PCDHGB2: variants seen among roughly 807,000 people sequenced by gnomAD.
PCDHGB2 encodes protocadherin gamma-B2.
A neutral mutation model predicts 59.3 loss-of-function variants in PCDHGB2; 55 were observed. That is an observed-to-expected ratio of 0.93 (90% confidence interval 0.75 to 1.16). The LOEUF (loss-of-function observed/expected upper bound fraction) is 1.16, where lower values mean the gene tolerates loss of function less well. Among genes scored for constraint, PCDHGB2 ranks in the 50% most tolerant of loss-of-function variants. The pLI is 0.00. For missense variants in PCDHGB2, 1,228 were observed against 1,198.5 expected (o/e 1.02, Z -0.36); for synonymous variants, 516 against 512.0 (o/e 1.01, Z -0.11).
Position 141,487,356 on chromosome 5 carries a change from C to A in PCDHGB2, c.2422-7451C>A. On this transcript the variant is annotated intron_variant, in intron 1 of 3. Coordinates refer to ENST00000522605, the MANE Select transcript of PCDHGB2 (RefSeq NM_018923.3). The surrounding 1 kb of genome is among the most constrained non-coding windows in gnomAD (Gnocchi z 5.0). ...GCCTGTGGAGTCACATGCTTTCCTG[C>A]TGGCACCTGTGCCTGTCTCACCAGA... 1 of 1,614,220 alleles carries A rather than the reference C, an allele frequency of 6.2e-7. No individual in the cohort carries two copies. The highest frequency in any genetic ancestry group is 8.5e-7 in the Non-Finnish European group (1 of 1,180,042).
intron 1 of PCDHGB2, chr5:141,370,309 A>G: frequency 8.1e-7 from 1 of 1,240,254 alleles, no homozygotes; most frequent in South Asian, 1.6e-5. Flanking sequence ...GACAAAGCAA[A>G]TAGTTGGTCC....
intron 1 of PCDHGB2, 157 bp from the exon 2 acceptor site, chr5:141,494,645 GTGTAT>G: frequency 1.1e-6 from 1 of 935,948 alleles, no homozygotes; most frequent in Non-Finnish European, 1.3e-6. Context: ...GAGACCTGAG[GTGTAT>G]TTTGTCTTTG....
In PCDHGB2 at chr5:141,493,364, TTGGAAC is replaced by T. The variant is rs1405602213; in HGVS notation, c.2422-1441_2422-1436del. Among the ~76,000 whole-genome samples, 1 of 152,184 alleles carries T rather than the reference TTGGAAC, an allele frequency of 6.6e-6. No homozygotes were observed. Among genetic ancestry groups the T allele is most frequent in the South Asian group, 2.1e-4 (1 of 4,824 alleles). On this transcript the variant is annotated intron_variant, in intron 1 of 3. Coordinates refer to ENST00000522605, the MANE Select transcript of PCDHGB2 (RefSeq NM_018923.3). The surrounding 1 kb of genome is among the most constrained non-coding windows in gnomAD (Gnocchi z 4.3). Reference sequence around the variant, plus strand: ...ATGTGTGCTTTTAATTTCTTGGCACTTGGAACTTTAAAAGCTTGAGGACAGGAGAGG... The same window carrying T: ...ATGTGTGCTTTTAATTTCTTGGCACTTTTAAAAGCTTGAGGACAGGAGAGG...
At chr5:141,390,327 T>G (rs377735930) in intron 1 of PCDHGB2, 172 of 1,603,116 alleles carry the variant, frequency 1.1e-4, no homozygotes, top group Non-Finnish European at 2.0e-5. Flanking sequence ...CCTACCCATT[T>G]CTCCATATTC....
intron 1 of PCDHGB2, among the ~76,000 whole-genome samples, chr5:141,482,127 T>C (rs2099553382): frequency 6.6e-6 from 1 of 151,774 alleles, no homozygotes; most frequent in African/African-American, 2.4e-5. Flanking sequence ...GGGAGAATCA[T>C]ATGGCTGGCA....
At chr5:141,427,365 TG>T (rs1391779401) in intron 1 of PCDHGB2, 2 of 457,804 alleles carry the variant, frequency 4.4e-6, no homozygotes, top group Non-Finnish European at 8.8e-6. Flanking sequence ...CGCAGAACCC[TG>T]GACGGTGATC....
At chr5:141,415,740 G>GTTTTTGTTTTTTTTTT (rs2095911468) in intron 1 of PCDHGB2, 1 of 515,998 alleles carries the variant, frequency 1.9e-6, no homozygotes, top group Non-Finnish European at 2.6e-6. Context: ...GTTTATTAAG[G>GTTTTTGTTTTTTTTTT]TTTTTTTTTT....
chr5:141,423,699 T>C, intron 1 of PCDHGB2: 1 of 1,469,146 alleles, frequency 6.8e-7, no homozygotes, highest in East Asian at 2.5e-5. Context: ...GTTGGTGTCT[T>C]GGCACAAGTC....
In PCDHGB2 at chr5:141,372,299, G is replaced by T. The variant is rs35459734; in HGVS notation, c.2421+9743G>T. The stretch of plus-strand genomic sequence containing the variant: ...GCACGGCGCGTACCTTGGGCGACAG[G>T]GAGGCCGCCCGCCAGCGCCTGCTGG... On this transcript the variant is annotated intron_variant, in intron 1 of 3. Coordinates refer to ENST00000522605, the MANE Select transcript of PCDHGB2 (RefSeq NM_018923.3). The T allele has an allele frequency of 1.9e-3, 2,997 of 1,613,318 alleles. 22 individuals are homozygous for T. Among genetic ancestry groups the T allele is most frequent in the African/African-American group, 0.017 (1,313 of 75,058 alleles).
chr5:141,417,754 C>A, intron 1 of PCDHGB2: 2 of 1,431,302 alleles, frequency 1.4e-6, no homozygotes, highest in Non-Finnish European at 1.8e-6. Flanking sequence ...TTGCCAGCTC[C>A]GAGACCCGGG....
At chr5:141,482,841 G>A (rs1401298303) in intron 1 of PCDHGB2, among the ~76,000 whole-genome samples, 1 of 139,444 alleles carries the variant, frequency 7.2e-6, no homozygotes, top group Non-Finnish European at 1.5e-5. Flanking sequence ...GGAGGCCAAG[G>A]TGGGCAGATC....
At position 141,511,319 on chromosome 5, in the gene PCDHGB2, C is replaced by T. The variant is rs2099883711; in HGVS notation, c.*146C>T. On this transcript the variant is annotated 3_prime_UTR_variant, in exon 4 of 4. Coordinates refer to ENST00000522605, the MANE Select transcript of PCDHGB2 (RefSeq NM_018923.3). ...CCATGCTCCCCTTGGGAAACAGAAA[C>T]AAGTGCCCAGTCAGCACCTACCCCT... 1.4e-6 allele frequency: 2 copies of T among 1,477,302 alleles called. No homozygotes were observed. The highest frequency in any genetic ancestry group is 1.4e-5 in the African/African-American group (1 of 70,920). 91.5% of individuals were successfully genotyped at this position (1,477,302 alleles called of 1,614,324 possible).
intron 1 of PCDHGB2, among the ~76,000 whole-genome samples, chr5:141,444,933 G>A (rs1004890599): frequency 3.3e-5 from 5 of 152,152 alleles, no homozygotes; most frequent in African/African-American, 1.2e-4. Context: ...AAAGAGGGAA[G>A]GAGGGAGGAG....
chr5:141,387,885 A>G, intron 1 of PCDHGB2: 2 of 1,578,800 alleles, frequency 1.3e-6, no homozygotes, highest in Non-Finnish European at 1.7e-6. Context: ...AGCAAGAGGG[A>G]TGGGGAGCGG....
At chr5:141,453,786 A>G (rs2098774297) in intron 1 of PCDHGB2, among the ~76,000 whole-genome samples, 1 of 152,252 alleles carries the variant, frequency 6.6e-6, no homozygotes, top group Non-Finnish European at 1.5e-5. Flanking sequence ...TTACCATGGT[A>G]TATTAACTTT....
chr5:141,435,882 C>G (rs780080571), intron 1 of PCDHGB2, among the ~76,000 whole-genome samples: 1 of 152,060 alleles, frequency 6.6e-6, no homozygotes, highest in African/African-American at 2.4e-5. Context: ...AGATTGGAAA[C>G]CCCTTAGAGA....
Position 141,476,263 on chromosome 5 carries a change from C to T in PCDHGB2, c.2422-18544C>T. 1 of 1,613,940 alleles carries T rather than the reference C, an allele frequency of 6.2e-7. No individual in the cohort carries two copies. The highest frequency in any genetic ancestry group is 8.5e-7 in the Non-Finnish European group (1 of 1,180,010). Reference sequence around the variant, plus strand: ...GAGAGAAGGGTTTCGCTGTGGGCAACGTGGTCGCGAACCTTGGTTTGGATC... The same window carrying T: ...GAGAGAAGGGTTTCGCTGTGGGCAATGTGGTCGCGAACCTTGGTTTGGATC... On this transcript the variant is annotated intron_variant, in intron 1 of 3. Transcript: ENST00000522605. The surrounding 1 kb of genome is among the most constrained non-coding windows in gnomAD (Gnocchi z 7.6).
intron 1 of PCDHGB2, chr5:141,419,553 C>T (rs2096398346): frequency 1.2e-5 from 20 of 1,611,902 alleles, no homozygotes; most frequent in Non-Finnish European, 1.4e-5. Flanking sequence ...GTGCTGTACC[C>T]TGCGCTGGGT....
chr5:141,417,683 A>AAG lies in PCDHGB2; in HGVS notation c.2421+55128_2421+55129insGA, dbSNP rs201105096. 3.0e-3 allele frequency: 3,154 copies of AAG among 1,038,272 alleles called. 110 individuals carry two copies. In the East Asian group the frequency reaches 0.071, roughly 24 times the overall value. The allele number at this position is 1,038,272 out of a possible 1,614,324, so 64.3% of individuals were successfully genotyped here. The stretch of plus-strand genomic sequence containing the variant: ...GATTCCCTGCGCAGCCAACAACAGA[A>AAG]AAGAAAACCAGCTCCCACACAGAGG... On this transcript the variant is annotated intron_variant, in intron 1 of 3. Transcript: ENST00000522605.
Sources: allele counts gnomAD v4.1 joint callset (sites outside exome capture counted in the v4.1 genomes callset), GRCh38; gene constraint gnomAD v4.1.1; non-coding constraint Gnocchi (gnomAD v3.1); transcripts MANE v1.5; gene names NCBI Gene and HGNC (gene_info 2026-07-23, HGNC 2026-07-21).